Variants in PEX5 observed in about 807,000 individuals in gnomAD.
PEX5 encodes PTS1 receptor.
PEX5 carries 52 observed loss-of-function variants against 82.9 expected under a neutral mutation model. The ratio of observed to expected loss-of-function variants is 0.63; its 90% CI spans 0.50 to 0.79. PEX5 has a LOEUF of 0.79. Among genes scored for constraint, PEX5 ranks in the 30% least tolerant of loss-of-function variants. The pLI, the probability that PEX5 is intolerant of heterozygous loss-of-function variation, is 0.00. For missense variants in PEX5, 719 were observed against 815.2 expected (o/e 0.88, Z 1.44); for synonymous variants, 300 against 318.8 (o/e 0.94, Z 0.63).
At chr12:7,196,017 C>T (rs1213103818) in intron 5 of PEX5, among the ~76,000 whole-genome samples, 5 of 36,108 alleles carry the variant, frequency 1.4e-4, no homozygotes, top group Non-Finnish European at 2.8e-4. Flanking sequence ...TTTCTTATTA[C>T]ATTATACATT....
downstream of PEX5, chr12:7,212,687 A>C (rs1211762289): frequency 6.6e-6 from 1 of 152,202 alleles, no homozygotes; most frequent in Non-Finnish European, 1.5e-5. Flanking sequence ...GACAATAGGG[A>C]ACTATCCCAA....
Position 7,210,711 on chromosome 12 carries a change from T to G in PEX5, c.*488T>G, listed in dbSNP as rs1490627979. 2 of 249,788 alleles carry G rather than the reference T, an allele frequency of 8.0e-6. No homozygotes were observed. The highest frequency in any genetic ancestry group is 1.6e-5 in the Non-Finnish European group (2 of 126,522). 15.5% of individuals were successfully genotyped at this position (249,788 alleles called of 1,614,324 possible). A position where few individuals can be genotyped will look rare whatever the true frequency, so the allele number is the denominator to read the frequency against. On this transcript the variant is annotated 3_prime_UTR_variant, in exon 16 of 16. Coordinates refer to ENST00000675855, the MANE Select transcript of PEX5 (RefSeq NM_001351132.2). The stretch of plus-strand genomic sequence containing the variant: ...ATGTGTTAGGAGTTGGCCTGTTGGG[T>G]TGAATTGTTGATTTGGCTGAGCAGA...
In PEX5 at chr12:7,209,158, C is replaced by T. The variant is rs143571888; in HGVS notation, c.1548C>T (p.Ser516=). 2.8e-4 allele frequency: 458 copies of T among 1,613,852 alleles called. No homozygotes were observed. The highest frequency in any genetic ancestry group is 8.4e-4 in the Middle Eastern group (5 of 5,952). ...KAVDCFTAAL[S]VRPNDYLLWN... is the part of the protein sequence containing the mutation. ...TGGACTGCTTCACAGCTGCCCTCAGCGTTCGTCCCAATGTGAGCCCAGGGG... is the reference window on the plus strand; with the variant it reads ...TGGACTGCTTCACAGCTGCCCTCAGTGTTCGTCCCAATGTGAGCCCAGGGG... Residue 516 remains serine (S), a synonymous_variant, in exon 14 of 16, where the codon AGC becomes AGT. Transcript: ENST00000675855.
In PEX5 at chr12:7,209,131, C is replaced by T. The variant is rs150761638; in HGVS notation, c.1521C>T (p.Ala507=). 3,194 of 1,614,010 alleles carry T rather than the reference C, an allele frequency of 2.0e-3. 7 individuals carry two copies. Among genetic ancestry groups the T allele is most frequent in the Non-Finnish European group, 1.8e-3 (2,134 of 1,179,968 alleles). The change falls in exon 14 of 16, where the codon GCC becomes GCT. Residue 507 remains alanine, a synonymous_variant. Coordinates refer to ENST00000675855, the MANE Select transcript of PEX5 (RefSeq NM_001351132.2). The part of the protein sequence containing the change: ...LFNLSGEYDK[A]VDCFTAALSV... ...ACCTGAGTGGGGAGTATGACAAGGC[C>T]GTGGACTGCTTCACAGCTGCCCTCA... is the stretch of plus-strand genomic sequence containing the variant.
At chr12:7,216,114 C>T (rs568258247), downstream of PEX5, among the ~76,000 whole-genome samples, 223 of 152,198 alleles carry the variant, frequency 1.5e-3, no homozygotes, top group Non-Finnish European at 2.6e-3. Context: ...ATTACAGGCG[C>T]CTGCCACCAT....
downstream of PEX5, among the ~76,000 whole-genome samples, chr12:7,211,888 T>G (rs1945600351): frequency 6.6e-6 from 1 of 152,060 alleles, no homozygotes. Flanking sequence ...AGGAAAAATT[T>G]AAAAATATAC....
In PEX5 at chr12:7,207,811, C is replaced by T. The variant is rs1362230919; in HGVS notation, c.1110+9C>T. The T allele has an allele frequency of 6.2e-7, 1 of 1,613,544 alleles. No homozygotes were observed. The highest frequency in any genetic ancestry group is 1.7e-5 in the Admixed American group (1 of 60,012). On this transcript the variant is annotated intron_variant, in intron 11 of 15. Coordinates refer to ENST00000675855, the MANE Select transcript of PEX5 (RefSeq NM_001351132.2). Reference sequence around the variant, plus strand: ...ATCCTAAGCACATGGAAGTGAGTGACTCCATAGTCTCATTTCTGGCTAGAG... The same window carrying T: ...ATCCTAAGCACATGGAAGTGAGTGATTCCATAGTCTCATTTCTGGCTAGAG...
At chr12:7,215,953 ATATT>A (rs1327633389), downstream of PEX5, among the ~76,000 whole-genome samples, 2 of 146,746 alleles carry the variant, frequency 1.4e-5, no homozygotes, top group Non-Finnish European at 3.1e-5. Flanking sequence ...CAATTTAAAT[ATATT>A]AATTAAATTA....
At chr12:7,201,262 C>T (rs918633932) in intron 6 of PEX5, among the ~76,000 whole-genome samples, 3 of 114,682 alleles carry the variant, frequency 2.6e-5, no homozygotes, top group African/African-American at 8.0e-5. Flanking sequence ...TACATGCGTA[C>T]ACATGTATAC....
At chr12:7,197,197 T>A (rs868146875) in intron 5 of PEX5, among the ~76,000 whole-genome samples, 1 of 52,258 alleles carries the variant, frequency 1.9e-5, no homozygotes. Flanking sequence ...ATAATGTAAT[T>A]ATATATGTCA....
intron 5 of PEX5, among the ~76,000 whole-genome samples, chr12:7,198,092 A>G (rs1943091250): frequency 6.6e-6 from 1 of 151,874 alleles, no homozygotes; most frequent in African/African-American, 2.4e-5. Context: ...GTCCTGGAGG[A>G]TGAAAAACAG....
chr12:7,190,332 C>T (rs776726012), intron 1 of PEX5, 30 bp from the exon 2 acceptor site: 11 of 1,611,294 alleles, frequency 6.8e-6, no homozygotes, highest in Non-Finnish European at 9.3e-6. Flanking sequence ...GGCTTGGGTA[C>T]CTCAGTTCCA....
At chr12:7,215,474 C>T (rs747237291), downstream of PEX5, among the ~76,000 whole-genome samples, 10 of 152,240 alleles carry the variant, frequency 6.6e-5, no homozygotes, top group Admixed American at 4.6e-4. Flanking sequence ...ATGATAGCAA[C>T]GACGTGGAAT....
At position 7,209,132 on chromosome 12, in the gene PEX5, G is replaced by A. The variant is rs138028549; in HGVS notation, c.1522G>A (p.Val508Met). 4.0e-5 allele frequency: 65 copies of A among 1,614,058 alleles called. No homozygotes were observed. The highest frequency in any genetic ancestry group is 3.0e-4 in the Admixed American group (18 of 60,026). The part of the protein sequence containing the change: ...FNLSGEYDKA[V>M]DCFTAALSVR... ...CCTGAGTGGGGAGTATGACAAGGCCGTGGACTGCTTCACAGCTGCCCTCAG... is the reference window on the plus strand; with the variant it reads ...CCTGAGTGGGGAGTATGACAAGGCCATGGACTGCTTCACAGCTGCCCTCAG... Residue 508 changes from valine to methionine, a missense_variant, in exon 14 of 16, where the codon GTG becomes ATG. Val to Met is a conservative substitution (Grantham distance 21). Coordinates refer to ENST00000675855, the MANE Select transcript of PEX5 (RefSeq NM_001351132.2).
At chr12:7,211,487 C>G (rs1050910307), downstream of PEX5, 1 of 152,176 alleles carries the variant, frequency 6.6e-6, no homozygotes, top group African/African-American at 2.4e-5. Context: ...GGTATGAGTT[C>G]TGCTGGTCAT....
chr12:7,203,466 A>T lies in PEX5; in HGVS notation c.881A>T (p.Glu294Val). 1 of 1,613,870 alleles carries T rather than the reference A, an allele frequency of 6.2e-7. No homozygotes were observed. Among genetic ancestry groups the T allele is most frequent in the Non-Finnish European group, 8.5e-7 (1 of 1,179,946 alleles). Reference protein sequence around the residue: ...DVDFWDKLQAELEEMAKRDAE... With the variant: ...DVDFWDKLQAVLEEMAKRDAE... ...GATTTCTGGGACAAGTTGCAGGCAG[A>T]GTTGGAGGAGATGGCAAAACGGGAT... The change falls in exon 10 of 16, where the codon GAG becomes GTG. Residue 294 changes from glutamate (E) to valine (V), a missense_variant. Physicochemically the swap from Glu to Val is moderately radical, Grantham distance 121. Transcript: ENST00000675855.
At chr12:7,218,140 T>C (rs1268702095) in intron 17 of PEX5, among the ~76,000 whole-genome samples, 3 of 152,188 alleles carry the variant, frequency 2.0e-5, no homozygotes, top group African/African-American at 7.2e-5. Context: ...GAGATGTGGA[T>C]ACAGGGAGGT....
In PEX5 at chr12:7,197,305, T is replaced by TAATGTAATAATTATATATGTCATATAC. The variant is rs1942789208; in HGVS notation, c.449-1698_449-1697insAATTATATATGTCATATACAATGTAAT. Among the ~76,000 whole-genome samples, 3 of 76,346 alleles carry TAATGTAATAATTATATATGTCATATAC rather than the reference T, an allele frequency of 3.9e-5. 1 individual carries two copies. Among genetic ancestry groups the TAATGTAATAATTATATATGTCATATAC allele is most frequent in the Admixed American group, 3.3e-4 (3 of 9,174 alleles). 50.1% of individuals were successfully genotyped at this position (76,346 alleles called of 152,430 possible). ...ATGTAATAATTATATATGTCATATA[T>TAATGTAATAATTATATATGTCATATAC]AATGTAATCATATGTCATATACAAT... On this transcript the variant is annotated intron_variant, in intron 5 of 15. Transcript: ENST00000675855.
At chr12:7,193,900 T>G (rs1941625642) in intron 5 of PEX5, among the ~76,000 whole-genome samples, 1 of 152,248 alleles carries the variant, frequency 6.6e-6, no homozygotes. Flanking sequence ...CGTGCCTGTT[T>G]CACAGAGGCA....
Sources: allele counts gnomAD v4.1 joint callset (sites outside exome capture counted in the v4.1 genomes callset), GRCh38; gene constraint gnomAD v4.1.1; transcripts MANE v1.5; gene names NCBI Gene and HGNC (gene_info 2026-07-23, HGNC 2026-07-21).